Variants in RALYL observed in about 807,000 individuals in gnomAD.
The protein encoded by RALYL is RNA-binding Raly-like protein.
RALYL carries 29 observed loss-of-function variants against 35.1 expected under a neutral mutation model. The observed-to-expected ratio is 0.83, with a 90% confidence interval of 0.61 to 1.13. RALYL has a LOEUF of 1.13. Ranked by LOEUF, RALYL falls within the 50% of genes most tolerant of loss-of-function variation. The probability of loss-of-function intolerance (pLI) is 0.00; values close to 1 mark genes in which losing one functional copy is unlikely to be tolerated. For synonymous variants in RALYL, 120 were observed against 127.6 expected, an observed-to-expected ratio of 0.94 and a Z score of 0.40; for missense variants, 359 against 360.4, an observed-to-expected ratio of 1.00 and a Z score of 0.03.
At chr8:84,414,652 G>A (rs2044447780) in intron 1 of RALYL, among the ~76,000 whole-genome samples, 1 of 152,160 alleles carries the variant, frequency 6.6e-6, no homozygotes, top group Non-Finnish European at 1.5e-5. Context: ...AAAAAATGCT[G>A]AGTGCCATTT....
At chr8:84,447,450 A>AGGCCAACAGTGTGT (rs1048470417) in intron 1 of RALYL, among the ~76,000 whole-genome samples, 4 of 152,116 alleles carry the variant, frequency 2.6e-5, no homozygotes, top group Middle Eastern at 3.4e-3. Context: ...GGTCACACAC[A>AGGCCAACAGTGTGT]GGCCCACAGT....
chr8:84,257,482 C>T (rs1187912459), intron 1 of RALYL, among the ~76,000 whole-genome samples: 1 of 152,076 alleles, frequency 6.6e-6, no homozygotes, highest in Non-Finnish European at 1.5e-5. Flanking sequence ...CACTTAATTA[C>T]TTAATGGGAC....
At chr8:84,751,702 C>T (rs915958307) in intron 2 of RALYL, among the ~76,000 whole-genome samples, 1 of 152,054 alleles carries the variant, frequency 6.6e-6, no homozygotes, top group African/African-American at 2.4e-5. Context: ...GTATGTAGCA[C>T]CTCCCCACAA....
At chr8:84,622,852 A>G (rs1050271157) in intron 2 of RALYL, among the ~76,000 whole-genome samples, 3 of 152,216 alleles carry the variant, frequency 2.0e-5, no homozygotes, top group African/African-American at 7.2e-5. Context: ...TGACGAGTAC[A>G]CACCAAGTCG....
chr8:84,658,030 G>A (rs1830268341), intron 2 of RALYL, among the ~76,000 whole-genome samples: 1 of 152,108 alleles, frequency 6.6e-6, no homozygotes, highest in Non-Finnish European at 1.5e-5. Context: ...CAGGATGGGA[G>A]GTTGGACACC....
intron 8 of RALYL, among the ~76,000 whole-genome samples, chr8:84,888,505 C>A (rs989122325): frequency 2.6e-5 from 4 of 152,088 alleles, no homozygotes; most frequent in Non-Finnish European, 2.9e-5. Context: ...GATATGCGGG[C>A]AAATGTGGGT....
intron 2 of RALYL, among the ~76,000 whole-genome samples, chr8:84,576,274 A>G (rs1809407803): frequency 6.6e-6 from 1 of 152,242 alleles, no homozygotes; most frequent in African/African-American, 2.4e-5. Flanking sequence ...TAAACAAAAA[A>G]AGCACTGAAC....
intron 2 of RALYL, among the ~76,000 whole-genome samples, chr8:84,683,587 C>T (rs1248613608): frequency 1.3e-5 from 2 of 152,118 alleles, no homozygotes; most frequent in Non-Finnish European, 2.9e-5. Context: ...ACCAGATTTG[C>T]ATGGTTAGCA....
intron 1 of RALYL, among the ~76,000 whole-genome samples, chr8:84,507,759 T>G (rs915553140): frequency 6.6e-6 from 1 of 152,186 alleles, no homozygotes; most frequent in African/African-American, 2.4e-5. Flanking sequence ...CTGTGGACAC[T>G]GTTGTCAATA....
intron 1 of RALYL, among the ~76,000 whole-genome samples, chr8:84,246,824 A>G (rs772481671): frequency 1.7e-4 from 26 of 152,244 alleles, no homozygotes; most frequent in Admixed American, 1.2e-3. Context: ...CCACACCAAT[A>G]AGTAAAACAA....
At chr8:84,396,600 A>C (rs1321556563) in intron 1 of RALYL, among the ~76,000 whole-genome samples, 5 of 152,114 alleles carry the variant, frequency 3.3e-5, no homozygotes, top group African/African-American at 1.2e-4. Context: ...CATTATTGTT[A>C]ATTATAGTTA....
At chr8:84,798,782 C>T (rs1241649199) in intron 3 of RALYL, among the ~76,000 whole-genome samples, 1 of 152,190 alleles carries the variant, frequency 6.6e-6, no homozygotes, top group Non-Finnish European at 1.5e-5. Flanking sequence ...CTTTCAAAAG[C>T]TTGTGAAATT....
intron 2 of RALYL, among the ~76,000 whole-genome samples, chr8:84,550,570 G>A (rs1439224035): frequency 1.3e-5 from 2 of 151,196 alleles, no homozygotes; most frequent in African/African-American, 4.8e-5. Context: ...TTAAAATAAT[G>A]TTTCTTTAAT....
chr8:84,538,171 G>C (rs1396402566), intron 2 of RALYL, among the ~76,000 whole-genome samples: 1 of 152,148 alleles, frequency 6.6e-6, no homozygotes, highest in Non-Finnish European at 1.5e-5. Flanking sequence ...ATGATAGAAA[G>C]CCCGGGGGAT....
At chr8:84,506,446 T>A (rs1187169025) in intron 1 of RALYL, among the ~76,000 whole-genome samples, 2 of 152,038 alleles carry the variant, frequency 1.3e-5, no homozygotes, top group Non-Finnish European at 2.9e-5. Context: ...TGTAATATAA[T>A]TACTATGAAG....
At chr8:84,703,387 T>C (rs1005281869) in intron 2 of RALYL, among the ~76,000 whole-genome samples, 3 of 152,056 alleles carry the variant, frequency 2.0e-5, no homozygotes, top group Non-Finnish European at 4.4e-5. Flanking sequence ...AGGAGAAAGG[T>C]GGGCCAAACA....
chr8:84,497,484 T>A (rs1329461789), intron 1 of RALYL, among the ~76,000 whole-genome samples: 1 of 152,132 alleles, frequency 6.6e-6, no homozygotes, highest in Non-Finnish European at 1.5e-5. Context: ...GGTAGAGAAA[T>A]TAACTTTCCA....
At chr8:84,539,026 T>G (rs1011692637) in intron 2 of RALYL, among the ~76,000 whole-genome samples, 3 of 152,184 alleles carry the variant, frequency 2.0e-5, no homozygotes, top group Admixed American at 2.0e-4. Flanking sequence ...GCTGCAATTC[T>G]TAAGTAATTT....
chr8:84,460,255 T>G (rs1206191671), intron 1 of RALYL, among the ~76,000 whole-genome samples: 2 of 151,734 alleles, frequency 1.3e-5, no homozygotes, highest in African/African-American at 4.8e-5. Flanking sequence ...ATGGGTAGAA[T>G]GCTTATGGAA....
Sources: allele counts gnomAD v4.1 joint callset (sites outside exome capture counted in the v4.1 genomes callset), GRCh38; gene constraint gnomAD v4.1.1; transcripts MANE v1.5; gene names NCBI Gene and HGNC (gene_info 2026-07-23, HGNC 2026-07-21).